NT5M: variants seen among roughly 807,000 people sequenced by gnomAD.
NT5M encodes the protein 5',3'-nucleotidase, mitochondrial, also known as 5'(3')-deoxyribonucleotidase, mitochondrial.
NT5M carries 22 observed loss-of-function variants against 22.2 expected under a neutral mutation model. The ratio of observed to expected loss-of-function variants is 0.99; its 90% CI spans 0.71 to 1.41. The LOEUF is 1.41. Among genes scored for constraint, NT5M ranks in the 40% most tolerant of loss-of-function variants. The probability of loss-of-function intolerance (pLI) is 0.00; values close to 1 mark genes in which losing one functional copy is unlikely to be tolerated. For missense variants in NT5M, 322 were observed against 314.8 expected (o/e 1.02, Z -0.17); for synonymous variants, 167 against 133.0 (o/e 1.26, Z -1.76).
intron 2 of NT5M, among the ~76,000 whole-genome samples, chr17:17,314,208 T>C (rs1209540201): frequency 2.0e-5 from 3 of 152,078 alleles, no homozygotes; most frequent in Admixed American, 2.0e-4. Context: ...TAATTTTTTG[T>C]ATTTTTAGTA....
chr17:17,308,872 C>T (rs2048865800), intron 2 of NT5M, among the ~76,000 whole-genome samples: 1 of 152,118 alleles, frequency 6.6e-6, no homozygotes, highest in African/African-American at 2.4e-5. Flanking sequence ...TTGGGTCTGG[C>T]TTCTTTCATT....
intron 3 of NT5M, among the ~76,000 whole-genome samples, chr17:17,339,276 AGATTGTTCCTGTTTTTTTCAG>A (rs1490144301): frequency 6.0e-5 from 9 of 148,820 alleles, no homozygotes; most frequent in Admixed American, 1.3e-4. Flanking sequence ...ATTTTTTTTC[AGATTGTTCCTGTTTTTTTCAG>A]GATTGTTCCT....
chr17:17,339,380 A>G (rs1028008294), intron 3 of NT5M, among the ~76,000 whole-genome samples: 8 of 151,858 alleles, frequency 5.3e-5, no homozygotes, highest in Non-Finnish European at 8.8e-5. Flanking sequence ...TGGAATCTTT[A>G]GGTTTTTCCA....
At chr17:17,345,408 A>C in intron 4 of NT5M, 12 of 298,966 alleles carry the variant, frequency 4.0e-5, no homozygotes, top group Non-Finnish European at 5.0e-5. Context: ...GTGGTGACTC[A>C]CGCCTGTAAT....
At chr17:17,330,979 G>A (rs891175004) in intron 3 of NT5M, among the ~76,000 whole-genome samples, 1 of 149,220 alleles carries the variant, frequency 6.7e-6, no homozygotes, top group Non-Finnish European at 1.5e-5. Flanking sequence ...CTGAGCTCAG[G>A]CAATCGCCTG....
chr17:17,336,905 A>C (rs1182622641), intron 3 of NT5M, among the ~76,000 whole-genome samples: 1 of 152,198 alleles, frequency 6.6e-6, no homozygotes, highest in African/African-American at 2.4e-5. Context: ...GTTGATGTAC[A>C]CTGAGGTTGC....
In NT5M at chr17:17,346,943, G is replaced by A; in HGVS notation, c.683G>A (p.Cys228Tyr). ...GCCATTCTGGACAGCAAGCGGCCCT[G>A]CTGAGCTGGACTGTGCTTCGGGCTC... ...WKAILDSKRP[C>Y] The change falls in exon 5 of 5, where the codon TGC (cysteine) becomes TAC (tyrosine). Residue 228 changes from cysteine (C) to tyrosine (Y), a missense_variant. Cys to Tyr is a radical substitution (Grantham distance 194, BLOSUM62 -2). Transcript: ENST00000389022. The A allele has an allele frequency of 6.2e-7, 1 of 1,610,978 alleles. No individual in the cohort carries two copies. Among genetic ancestry groups the A allele is most frequent in the South Asian group, 1.1e-5 (1 of 91,060 alleles).
rs1180812631 is a variant in NT5M at position 17,347,622 on chromosome 17, T to A, written c.*675T>A. 6.6e-6 allele frequency: 1 copy of A among 152,484 alleles called. No homozygotes were observed. The highest frequency in any genetic ancestry group is 1.5e-5 in the Non-Finnish European group (1 of 68,254). The allele number at this position is 152,484 out of a possible 1,614,324, so 9.4% of individuals were successfully genotyped here. ...AGAGTCCGTAGGCTTGAACATGTGTTGAGTGCATGAAAAATAAATGCTGTT... is the reference window on the plus strand; with the variant it reads ...AGAGTCCGTAGGCTTGAACATGTGTAGAGTGCATGAAAAATAAATGCTGTT... On this transcript the variant is annotated 3_prime_UTR_variant, in exon 5 of 5. Transcript: ENST00000389022.
At chr17:17,313,171 A>G (rs1369550610) in intron 2 of NT5M, among the ~76,000 whole-genome samples, 1 of 151,100 alleles carries the variant, frequency 6.6e-6, no homozygotes, top group Non-Finnish European at 1.5e-5. Context: ...CCAGCTACTC[A>G]GGAGGCTGAG....
At chr17:17,330,696 T>A (rs1347158137) in intron 3 of NT5M, among the ~76,000 whole-genome samples, 1 of 151,454 alleles carries the variant, frequency 6.6e-6, no homozygotes, top group African/African-American at 2.4e-5. Flanking sequence ...ATTTTTTTTT[T>A]AACTTAAGAT....
chr17:17,318,785 C>CAAAAAAA (rs61422345), intron 2 of NT5M, among the ~76,000 whole-genome samples: 2 of 40,254 alleles, frequency 5.0e-5, no homozygotes, highest in Non-Finnish European at 8.3e-5. Flanking sequence ...AACTCCGTCT[C>CAAAAAAA]AAAAAAAAAA....
chr17:17,330,686 A>G (rs183120733), intron 3 of NT5M, among the ~76,000 whole-genome samples: 3 of 137,826 alleles, frequency 2.2e-5, no homozygotes, highest in South Asian at 2.3e-4. Context: ...AACATAGACC[A>G]TTTTTTTTTT....
chr17:17,310,197 A>G (rs2048895165), intron 2 of NT5M, among the ~76,000 whole-genome samples: 1 of 152,156 alleles, frequency 6.6e-6, no homozygotes, highest in Admixed American at 6.6e-5. Context: ...TATATTTATA[A>G]ATCATGTATC....
chr17:17,309,110 A>G lies in NT5M; in HGVS notation c.368+2467A>G, dbSNP rs146933407. ...AATATTTGTTTGAATCTTGTTTTCA[A>G]TTCTTTTTCTTTCTTTCTTTTTTTT... On this transcript the variant is annotated intron_variant, in intron 2 of 4. Coordinates refer to ENST00000389022, the MANE Select transcript of NT5M (RefSeq NM_020201.4). Among the ~76,000 whole-genome samples the G allele has an allele frequency of 7.0e-4, 104 of 149,248 alleles. No individual in the cohort carries two copies. In the East Asian group the frequency reaches 0.016, roughly 23 times the overall value.
chr17:17,338,426 C>T (rs2049564274), intron 3 of NT5M, among the ~76,000 whole-genome samples: 1 of 152,066 alleles, frequency 6.6e-6, no homozygotes, highest in African/African-American at 2.4e-5. Context: ...CTCCTGACCT[C>T]ACGCTATCCG....
At chr17:17,333,113 G>T (rs1166335240) in intron 3 of NT5M, among the ~76,000 whole-genome samples, 1 of 152,068 alleles carries the variant, frequency 6.6e-6, no homozygotes, top group African/African-American at 2.4e-5. Flanking sequence ...AATGACATTG[G>T]ACATGTTTTT....
In NT5M at chr17:17,303,749, A is replaced by C. The variant is rs553426958; in HGVS notation, c.199A>C (p.Ile67Leu). The C allele has an allele frequency of 1.3e-6, 2 of 1,589,044 alleles. No individual in the cohort carries two copies. The highest frequency in any genetic ancestry group is 2.8e-5 in the African/African-American group (2 of 71,938). ...CGCGCGCTTTCCCGACCAGCCCTTC[A>C]TCGCGCTGGAGGACCGGCGCGGCTT... The part of the protein sequence containing the change: ...FRARFPDQPF[I>L]ALEDRRGFWV... Residue 67 changes from isoleucine (I) to leucine (L), a missense_variant, in exon 1 of 5, where the codon ATC becomes CTC. Physicochemically the swap from Ile to Leu is conservative, Grantham distance 5 (BLOSUM62 2). Coordinates refer to ENST00000389022, the MANE Select transcript of NT5M (RefSeq NM_020201.4).
intron 3 of NT5M, among the ~76,000 whole-genome samples, chr17:17,329,448 C>T (rs2049331530): frequency 6.6e-6 from 1 of 152,186 alleles, no homozygotes; most frequent in African/African-American, 2.4e-5. Flanking sequence ...ACTTAAGCAG[C>T]ATGACCTGTA....
chr17:17,313,235 C>T (rs1238061581), intron 2 of NT5M, among the ~76,000 whole-genome samples: 3 of 151,980 alleles, frequency 2.0e-5, no homozygotes, highest in Admixed American at 1.3e-4. Flanking sequence ...GCTGAGATTG[C>T]GCCATTGCAC....
Sources: allele counts gnomAD v4.1 joint callset (sites outside exome capture counted in the v4.1 genomes callset), GRCh38; gene constraint gnomAD v4.1.1; transcripts MANE v1.5; gene names NCBI Gene and HGNC (gene_info 2026-07-23, HGNC 2026-07-21).